The following KCNJ6 variants were observed in gnomAD, a reference collection of about 807,000 sequenced individuals.
The protein encoded by KCNJ6 is G protein-activated inward rectifier potassium channel 2.
A neutral mutation model predicts 34.2 loss-of-function variants in KCNJ6; 9 were observed. The observed-to-expected ratio is 0.26, with a 90% CI of 0.16 to 0.46. KCNJ6 has a LOEUF of 0.46. Among genes scored for constraint, KCNJ6 ranks in the 20% least tolerant of loss-of-function variants. The pLI is 1.00. For missense variants in KCNJ6, 236 were observed against 531.3 expected, an observed-to-expected ratio of 0.44 and a Z score of 5.46; for synonymous variants, 196 against 207.1, an observed-to-expected ratio of 0.95 and a Z score of 0.46.
intron 1 of KCNJ6, among the ~76,000 whole-genome samples, chr21:37,877,621 TGCAGGCTAAG>T (rs1405222638): frequency 6.6e-6 from 1 of 151,728 alleles, no homozygotes; most frequent in African/African-American, 2.4e-5. Flanking sequence ...GATTTAGACC[TGCAGGCTAAG>T]TTGGCTCTTC....
At chr21:37,636,400 G>A (rs1364645357) in intron 3 of KCNJ6, among the ~76,000 whole-genome samples, 3 of 152,244 alleles carry the variant, frequency 2.0e-5, no homozygotes, top group Admixed American at 6.5e-5. Flanking sequence ...TCCAAAGGGT[G>A]TGTAGGAGTG....
chr21:37,662,814 G>C (rs2054495970), intron 3 of KCNJ6, among the ~76,000 whole-genome samples: 1 of 95,756 alleles, frequency 1.0e-5, no homozygotes, highest in South Asian at 4.5e-4. Context: ...ACTGGCGTGA[G>C]ATGGTATCTC....
chr21:37,650,893 A>C (rs2054430107), intron 3 of KCNJ6, among the ~76,000 whole-genome samples: 1 of 152,324 alleles, frequency 6.6e-6, no homozygotes, highest in East Asian at 1.9e-4. Flanking sequence ...AAGCTCGATA[A>C]ATACTTGATA....
intron 3 of KCNJ6, among the ~76,000 whole-genome samples, chr21:37,707,427 A>C (rs1601428908): frequency 6.6e-6 from 1 of 152,314 alleles, no homozygotes; most frequent in South Asian, 2.1e-4. Flanking sequence ...ACCCGTGAGT[A>C]GGTACCATTA....
At chr21:37,814,468 T>C (rs978589283) in intron 2 of KCNJ6, among the ~76,000 whole-genome samples, 3 of 152,194 alleles carry the variant, frequency 2.0e-5, no homozygotes, top group Admixed American at 2.0e-4. Flanking sequence ...ACTGAAGTGA[T>C]ACCTGAAGTG....
Position 37,860,486 on chromosome 21 carries a change from G to A in KCNJ6, c.-27-19777C>T, listed in dbSNP as rs141571386. 4.4e-4 allele frequency among the ~76,000 whole-genome samples: 67 copies of A among 152,256 alleles called. No individual in the cohort carries two copies. The East Asian group carries it at 0.011, about 25-fold the overall frequency. ...GGCAGCCAGAGCCATCACTGGCTTC[G>A]AAGTAGAAATAAGCTGACTTATTTC... On this transcript the variant is annotated intron_variant, in intron 1 of 3. Transcript: ENST00000609713.
At chr21:37,905,370 A>T (rs1486095641) in intron 1 of KCNJ6, among the ~76,000 whole-genome samples, 3 of 152,180 alleles carry the variant, frequency 2.0e-5, no homozygotes, top group South Asian at 4.1e-4. Flanking sequence ...GAGCTCATGT[A>T]CCATGCCGAT....
intron 1 of KCNJ6, among the ~76,000 whole-genome samples, chr21:37,911,068 A>G (rs998246629): frequency 1.3e-5 from 2 of 151,960 alleles, no homozygotes; most frequent in Admixed American, 6.6e-5. Context: ...TTTGAGGAAA[A>G]TAATTTCACT....
chr21:37,872,195 C>T (rs2055655769), intron 1 of KCNJ6, among the ~76,000 whole-genome samples: 1 of 152,172 alleles, frequency 6.6e-6, no homozygotes, highest in Non-Finnish European at 1.5e-5. Flanking sequence ...AATTCATTAA[C>T]TAACGTGTGA....
At chr21:37,821,723 G>A (rs576367294) in intron 2 of KCNJ6, among the ~76,000 whole-genome samples, 6 of 152,238 alleles carry the variant, frequency 3.9e-5, no homozygotes, top group East Asian at 3.9e-4. Flanking sequence ...TAAATGTATT[G>A]TATATGGTTA....
intron 2 of KCNJ6, among the ~76,000 whole-genome samples, chr21:37,758,001 A>G (rs1241591618): frequency 6.6e-6 from 1 of 152,194 alleles, no homozygotes; most frequent in South Asian, 2.1e-4. Context: ...GCTTCCTGGC[A>G]TTAGGTTTCA....
chr21:37,640,878 A>G (rs541685492), intron 3 of KCNJ6, among the ~76,000 whole-genome samples: 65 of 152,168 alleles, frequency 4.3e-4, no homozygotes, highest in Non-Finnish European at 8.1e-4. Flanking sequence ...AAGTTTCCCA[A>G]TGATCAGGTG....
intron 3 of KCNJ6, among the ~76,000 whole-genome samples, chr21:37,696,925 C>T (rs576699027): frequency 9.2e-5 from 14 of 152,246 alleles, no homozygotes; most frequent in Middle Eastern, 3.4e-3. Flanking sequence ...GGTAGCATGG[C>T]GAACAGGATC....
At chr21:37,825,511 A>G (rs2055394643) in intron 2 of KCNJ6, among the ~76,000 whole-genome samples, 3 of 152,170 alleles carry the variant, frequency 2.0e-5, no homozygotes, top group Non-Finnish European at 2.9e-5. Context: ...CACTCGATCC[A>G]ACCCCATCTG....
intron 3 of KCNJ6, among the ~76,000 whole-genome samples, chr21:37,631,551 T>C (rs1390727435): frequency 6.6e-6 from 1 of 152,162 alleles, no homozygotes; most frequent in Non-Finnish European, 1.5e-5. Context: ...CTGAAGACTC[T>C]AGAAAGTTCA....
intron 3 of KCNJ6, among the ~76,000 whole-genome samples, chr21:37,667,424 C>T (rs2054520243): frequency 1.3e-5 from 2 of 152,058 alleles, no homozygotes; most frequent in South Asian, 4.1e-4. Context: ...AGGGTCAGTC[C>T]AAATAATTCC....
At chr21:37,853,846 G>GTATGTATATATATATATATATA (rs1555850323) in intron 1 of KCNJ6, among the ~76,000 whole-genome samples, 1 of 115,992 alleles carries the variant, frequency 8.6e-6, no homozygotes, top group African/African-American at 4.0e-5. Flanking sequence ...ATATATATAT[G>GTATGTATATATATATATATATA]TATATATATA....
intron 2 of KCNJ6, among the ~76,000 whole-genome samples, chr21:37,813,567 T>C (rs951997772): frequency 1.3e-5 from 2 of 152,126 alleles, no homozygotes; most frequent in Non-Finnish European, 2.9e-5. Context: ...CATAGATCAA[T>C]GGAACAGAAT....
At chr21:37,699,680 A>G (rs549846187) in intron 3 of KCNJ6, among the ~76,000 whole-genome samples, 2 of 152,336 alleles carry the variant, frequency 1.3e-5, no homozygotes, top group Admixed American at 1.3e-4. Flanking sequence ...CACTTTAAAA[A>G]GGGGCACAGG....
Sources: gnomAD v4.1 joint callset for allele counts (sites outside exome capture counted in the v4.1 genomes callset) on GRCh38, gnomAD v4.1.1 for gene constraint, MANE v1.5 for transcripts, NCBI Gene and HGNC (gene_info 2026-07-23, HGNC 2026-07-21) for gene names.